The following FMN1 variants were observed in gnomAD, a reference collection of about 807,000 sequenced individuals.
FMN1 encodes formin-1.
FMN1 carries 110 observed loss-of-function variants against 132.4 expected under a neutral mutation model. The ratio of observed to expected loss-of-function variants is 0.83; its 90% CI spans 0.71 to 0.97. The LOEUF is 0.97. FMN1 is among the 50% of genes least tolerant of loss of function. The pLI is 0.00. For missense variants in FMN1, 1,792 were observed against 1,705.3 expected, an observed-to-expected ratio of 1.05 and a Z score of -0.90; for synonymous variants, 722 against 651.7, an observed-to-expected ratio of 1.11 and a Z score of -1.64.
rs866243335 is a variant in FMN1 at position 32,900,325 on chromosome 15, C to T, written c.3508-200G>A. On this transcript the variant is annotated intron_variant, in intron 13 of 20. Transcript: ENST00000616417. ...ACATTAACAGCCATTATTTTCTACC[C>T]ACTCAAATTAATTATAAACAGTGCA... 5 of 702,436 alleles carry T rather than the reference C, an allele frequency of 7.1e-6. No individual in the cohort carries two copies. The Middle Eastern group carries it at 6.9e-4, about 97-fold the overall frequency. The allele number at this position is 702,436 out of a possible 1,614,324, so 43.5% of individuals were successfully genotyped here.
At chr15:33,075,444 C>T (rs529560136) in intron 5 of FMN1, among the ~76,000 whole-genome samples, 4 of 152,156 alleles carry the variant, frequency 2.6e-5, no homozygotes, top group Admixed American at 6.5e-5. Flanking sequence ...ATGCCCCAGC[C>T]GCAACCATGC....
At chr15:32,867,777 C>T (rs1227985289) in intron 16 of FMN1, among the ~76,000 whole-genome samples, 1 of 152,246 alleles carries the variant, frequency 6.6e-6, no homozygotes, top group African/African-American at 2.4e-5. Flanking sequence ...AGGCGTGAGC[C>T]ACCGCGCCCG....
chr15:33,004,626 G>A (rs1266350272), intron 7 of FMN1, among the ~76,000 whole-genome samples: 6 of 152,202 alleles, frequency 3.9e-5, no homozygotes, highest in Non-Finnish European at 7.3e-5. Context: ...GGAAGTCAGT[G>A]TGGCGATTCC....
chr15:33,172,409 G>C (rs1044277112), intron 3 of FMN1, among the ~76,000 whole-genome samples: 8 of 152,162 alleles, frequency 5.3e-5, no homozygotes, highest in Non-Finnish European at 1.0e-4. Flanking sequence ...CAGTTATCTG[G>C]AGGAGGAATA....
chr15:33,104,529 C>G (rs185591711), intron 4 of FMN1, among the ~76,000 whole-genome samples: 56 of 152,126 alleles, frequency 3.7e-4, no homozygotes, highest in African/African-American at 1.3e-3. Flanking sequence ...AATGATACAA[C>G]AGAGGACTCA....
rs2056025965 is a variant in FMN1 at position 32,765,777 on chromosome 15, A to T, written c.*8533T>A. 1 of 152,140 alleles carries T rather than the reference A, an allele frequency of 6.6e-6. No homozygotes were observed. The highest frequency in any genetic ancestry group is 1.5e-5 in the Non-Finnish European group (1 of 68,028). The allele number at this position is 152,140 out of a possible 1,614,324, so 9.4% of individuals were successfully genotyped here. A position where few individuals can be genotyped will look rare whatever the true frequency, so the allele number is the denominator to read the frequency against. On this transcript the variant is annotated 3_prime_UTR_variant, in exon 21 of 21. Transcript: ENST00000616417. ...CAAAAATACACTTGATATTGTGACCAAGTACTGTCAAGGAGGAAAAAATAT... is the reference window on the plus strand; with the variant it reads ...CAAAAATACACTTGATATTGTGACCTAGTACTGTCAAGGAGGAAAAAATAT...
At chr15:32,944,335 C>T (rs1159546297) in intron 9 of FMN1, among the ~76,000 whole-genome samples, 1 of 151,992 alleles carries the variant, frequency 6.6e-6, no homozygotes, top group Non-Finnish European at 1.5e-5. Context: ...CAATGTCATC[C>T]GACGTGGTGC....
chr15:33,035,648 T>C (rs1291765044), intron 6 of FMN1, among the ~76,000 whole-genome samples: 3 of 152,172 alleles, frequency 2.0e-5, no homozygotes, highest in Non-Finnish European at 4.4e-5. Flanking sequence ...ACCATCCTAT[T>C]TAAAACTGCA....
At chr15:32,879,602 C>T (rs532212072) in intron 16 of FMN1, among the ~76,000 whole-genome samples, 5 of 152,242 alleles carry the variant, frequency 3.3e-5, no homozygotes, top group South Asian at 2.1e-4. Context: ...CCTCAGGCAT[C>T]GCCTCATCTG....
chr15:32,915,300 T>C (rs145055707), intron 10 of FMN1, among the ~76,000 whole-genome samples: 2 of 152,370 alleles, frequency 1.3e-5, no homozygotes, highest in East Asian at 3.9e-4. Context: ...CTCAAAATAC[T>C]GGAACAACGT....
chr15:33,154,755 T>C lies in FMN1; in HGVS notation c.160A>G (p.Arg54Gly). ...NKGFHNCYQV[R>G]EESDIISLSQ... ...AGGCTGATGATGTCTGACTCCTCCC[T>C]GACTTGGTAGCAGTTATGAAAACCT... The change falls in exon 4 of 21, where the codon AGG (arginine) becomes GGG (glycine). Residue 54 changes from arginine to glycine, a missense_variant. By Grantham distance (125) the Arg-to-Gly change is moderately radical (BLOSUM62 -2). Transcript: ENST00000616417. The C allele has an allele frequency of 2.0e-6, 3 of 1,536,168 alleles. No homozygotes were observed. The highest frequency in any genetic ancestry group is 1.7e-6 in the Non-Finnish European group (2 of 1,146,932).
intron 3 of FMN1, among the ~76,000 whole-genome samples, chr15:33,178,293 C>T (rs970454780): frequency 1.3e-5 from 2 of 152,186 alleles, no homozygotes; most frequent in African/African-American, 2.4e-5. Flanking sequence ...TTGATCCAAA[C>T]GCTATTTGCA....
In FMN1 at chr15:32,910,340, G is replaced by C. The variant is rs771475118; in HGVS notation, c.3288+134C>G. The C allele has an allele frequency of 1.1e-4, 73 of 679,804 alleles. 1 individual carries two copies. In the Admixed American group the frequency reaches 1.4e-3, roughly 13 times the overall value. 42.1% of individuals were successfully genotyped at this position (679,804 alleles called of 1,614,324 possible). A position where few individuals can be genotyped will look rare whatever the true frequency, so the allele number is the denominator to read the frequency against. On this transcript the variant is annotated intron_variant, in intron 11 of 20. Transcript: ENST00000616417. The stretch of plus-strand genomic sequence containing the variant: ...GCTTCTCACATCCACTCCCATTCAA[G>C]CTTGTGTTTCTATGCCTTAATCTCT...
At chr15:32,906,637 C>A (rs898886143) in intron 12 of FMN1, among the ~76,000 whole-genome samples, 2 of 152,218 alleles carry the variant, frequency 1.3e-5, no homozygotes, top group Non-Finnish European at 2.9e-5. Context: ...TGCCCCAATA[C>A]AACCAAATGG....
intron 9 of FMN1, among the ~76,000 whole-genome samples, chr15:32,933,077 G>A (rs1277629154): frequency 6.6e-6 from 1 of 151,994 alleles, no homozygotes; most frequent in African/African-American, 2.4e-5. Flanking sequence ...GTAGAGTCAG[G>A]TTGTTTATTT....
intron 19 of FMN1, among the ~76,000 whole-genome samples, chr15:32,791,053 G>A (rs1470327549): frequency 1.3e-5 from 2 of 152,106 alleles, no homozygotes; most frequent in Admixed American, 6.6e-5. Flanking sequence ...AATAATGGGG[G>A]GAATGCGGTA....
At position 32,774,326 on chromosome 15, in the gene FMN1, C is replaced by CT; in HGVS notation, c.4243dup (p.Ser1415LysfsTer5). On this transcript the variant is annotated frameshift_variant, in exon 21 of 21. Coordinates refer to ENST00000616417, the MANE Select transcript of FMN1 (RefSeq NM_001277313.2). LOFTEE classifies it high-confidence loss of function. ...GTCTTCATCTTAGTTAGTGGTCACA[C>CT]TGGCTTCCTTCTGACGCAGTCTTTC... 6.2e-7 allele frequency: 1 copy of CT among 1,604,526 alleles called. No homozygotes were observed. The highest frequency in any genetic ancestry group is 8.5e-7 in the Non-Finnish European group (1 of 1,175,104).
intron 6 of FMN1, among the ~76,000 whole-genome samples, chr15:33,018,834 G>A (rs114188737): frequency 5.5e-4 from 84 of 152,286 alleles, no homozygotes; most frequent in African/African-American, 2.0e-3. Flanking sequence ...TACCTTCGCG[G>A]TTGAGTGTTA....
chr15:33,176,839 G>C (rs530864625), intron 3 of FMN1, among the ~76,000 whole-genome samples: 1 of 152,196 alleles, frequency 6.6e-6, no homozygotes, highest in Admixed American at 6.5e-5. Context: ...TTAAATAGAA[G>C]TATTAATATG....
Sources: allele counts gnomAD v4.1 joint callset (sites outside exome capture counted in the v4.1 genomes callset), GRCh38; gene constraint gnomAD v4.1.1; transcripts MANE v1.5; gene names NCBI Gene and HGNC (gene_info 2026-07-23, HGNC 2026-07-21).